C8orf34: variants seen among roughly 807,000 people sequenced by gnomAD.
C8orf34 encodes uncharacterized protein C8orf34.
C8orf34 carries 65 observed loss-of-function variants against 68.3 expected under a neutral mutation model. The observed-to-expected ratio is 0.95, with a 90% CI of 0.78 to 1.17. The LOEUF is 1.17. Ranked by LOEUF, C8orf34 falls within the 50% of genes most tolerant of loss-of-function variation. The probability of loss-of-function intolerance (pLI) is 0.00; values close to 1 mark genes in which losing one functional copy is unlikely to be tolerated. For missense variants in C8orf34, 664 were observed against 655.4 expected, an observed-to-expected ratio of 1.01 and a Z score of -0.14; for synonymous variants, 244 against 241.2, an observed-to-expected ratio of 1.01 and a Z score of -0.11.
Position 68,457,972 on chromosome 8 carries a change from C to T in C8orf34, c.608-10720C>T, listed in dbSNP as rs150409617. ...TAGAGATGTTCTCATCCAAAGACGG[C>T]ATACCAGACAAATGACTTCCCAAAT... is the stretch of plus-strand genomic sequence containing the variant. On this transcript the variant is annotated intron_variant, in intron 3 of 13. Coordinates refer to ENST00000518698, the MANE Select transcript of C8orf34 (RefSeq NM_052958.4). 2.2e-3 allele frequency among the ~76,000 whole-genome samples: 328 copies of T among 152,152 alleles called. 1 individual carries two copies. The highest frequency in any genetic ancestry group is 7.1e-3 in the African/African-American group (295 of 41,512).
upstream of C8orf34, chr8:68,330,935 C>T (rs76049615): frequency 6.9e-6 from 8 of 1,158,032 alleles, no homozygotes; most frequent in Admixed American, 3.9e-5. Flanking sequence ...GAGAAAGGAA[C>T]CTCTGCCTCG....
chr8:68,489,737 T>C (rs909706734), intron 5 of C8orf34, among the ~76,000 whole-genome samples: 16 of 152,186 alleles, frequency 1.1e-4, no homozygotes, highest in Non-Finnish European at 1.8e-4. Flanking sequence ...AATGGTATCA[T>C]ATAAATCCTG....
intron 6 of C8orf34, chr8:68,530,714 G>C: frequency 1.5e-6 from 1 of 675,650 alleles, no homozygotes; most frequent in Non-Finnish European, 1.9e-6. Context: ...CTATTAAAGA[G>C]TAAACATGAT....
chr8:68,787,754 A>G (rs1013887033), intron 12 of C8orf34: 5 of 270,416 alleles, frequency 1.8e-5, no homozygotes, highest in South Asian at 1.2e-4. Flanking sequence ...AACTTTCTAG[A>G]AAAAAAAAGC....
intron 5 of C8orf34, among the ~76,000 whole-genome samples, chr8:68,513,560 T>A (rs548999594): frequency 1.3e-4 from 20 of 152,106 alleles, no homozygotes; most frequent in Non-Finnish European, 2.5e-4. Context: ...AGTAAAAACG[T>A]CTTCTAAAAG....
At chr8:68,728,822 G>C (rs944703560) in intron 10 of C8orf34, among the ~76,000 whole-genome samples, 1 of 152,174 alleles carries the variant, frequency 6.6e-6, no homozygotes, top group African/African-American at 2.4e-5. Context: ...TTGTTGATTA[G>C]TATATGCAAC....
intron 1 of C8orf34, among the ~76,000 whole-genome samples, chr8:68,351,852 C>T (rs1256564215): frequency 6.6e-6 from 1 of 152,062 alleles, no homozygotes; most frequent in African/African-American, 2.4e-5. Flanking sequence ...CACATCCTTG[C>T]CAACATTTGG....
At chr8:68,470,123 A>AT (rs1470593716) in intron 4 of C8orf34, among the ~76,000 whole-genome samples, 2 of 151,950 alleles carry the variant, frequency 1.3e-5, no homozygotes, top group African/African-American at 4.8e-5. Flanking sequence ...GTTTGGTTAA[A>AT]TTTCCTTTTG....
rs142803963 is a variant in C8orf34, at chr8:68,523,217, A to G, written c.938+1246A>G. Among the ~76,000 whole-genome samples the G allele has an allele frequency of 1.8e-4, 27 of 152,326 alleles. No homozygotes were observed. The East Asian group carries it at 4.8e-3, about 27-fold the overall frequency. Reference sequence around the variant, plus strand: ...ATCTGTCAATGAGGGTAATTTTTTTAATACCAGGCTTATAAAACCTACTAG... The same window carrying G: ...ATCTGTCAATGAGGGTAATTTTTTTGATACCAGGCTTATAAAACCTACTAG... On this transcript the variant is annotated intron_variant, in intron 6 of 13. Transcript: ENST00000518698.
chr8:68,439,342 C>T (rs1385907203), intron 1 of C8orf34, 157 bp from the exon 2 acceptor site: 1 of 589,198 alleles, frequency 1.7e-6, no homozygotes, highest in Non-Finnish European at 2.8e-6. Flanking sequence ...AGGGCAGTAA[C>T]TTGTAGCCGT....
chr8:68,717,374 TC>T (rs1821505263), intron 9 of C8orf34, among the ~76,000 whole-genome samples: 1 of 151,840 alleles, frequency 6.6e-6, no homozygotes, highest in Non-Finnish European at 1.5e-5. Flanking sequence ...GTGCCTGTAG[TC>T]CCAGCTACTC....
intron 7 of C8orf34, among the ~76,000 whole-genome samples, chr8:68,591,735 G>A (rs779048188): frequency 1.3e-5 from 2 of 152,144 alleles, no homozygotes; most frequent in Non-Finnish European, 2.9e-5. Flanking sequence ...TACATGACAT[G>A]TATGTGCTTG....
At chr8:68,439,298 C>T (rs779415019) in intron 1 of C8orf34, 2 of 448,868 alleles carry the variant, frequency 4.5e-6, no homozygotes, top group African/African-American at 2.0e-5. Flanking sequence ...GTAATATAGA[C>T]AATTTACTTC....
chr8:68,814,816 G>A (rs1824760489), intron 12 of C8orf34, among the ~76,000 whole-genome samples: 1 of 152,152 alleles, frequency 6.6e-6, no homozygotes, highest in African/African-American at 2.4e-5. Flanking sequence ...AGTTGAAGTA[G>A]CACTTAACCA....
intron 3 of C8orf34, among the ~76,000 whole-genome samples, chr8:68,467,740 T>A (rs1373311678): frequency 6.6e-6 from 1 of 152,032 alleles, no homozygotes; most frequent in Non-Finnish European, 1.5e-5. Context: ...CAAAGTATCC[T>A]AATTTGTTCC....
intron 7 of C8orf34, among the ~76,000 whole-genome samples, chr8:68,574,377 A>G (rs1290819191): frequency 6.6e-6 from 1 of 151,970 alleles, no homozygotes. Context: ...GAAATTATTC[A>G]CCTACCTGAC....
chr8:68,609,257 A>G (rs1170491137), intron 7 of C8orf34, among the ~76,000 whole-genome samples: 2 of 152,092 alleles, frequency 1.3e-5, no homozygotes. Flanking sequence ...GAGTCAAAAC[A>G]ATCCCTAACT....
chr8:68,355,557 T>C (rs1231302244), intron 1 of C8orf34, among the ~76,000 whole-genome samples: 2 of 152,146 alleles, frequency 1.3e-5, no homozygotes, highest in Admixed American at 1.3e-4. Context: ...TTAATATTAA[T>C]GGCCCAGTGA....
chr8:68,675,230 A>C (rs1820146527), intron 8 of C8orf34, among the ~76,000 whole-genome samples: 1 of 152,202 alleles, frequency 6.6e-6, no homozygotes, highest in African/African-American at 2.4e-5. Context: ...GAAGGTACAA[A>C]ACTTCACTGG....
Sources: gnomAD v4.1 joint callset for allele counts (sites outside exome capture counted in the v4.1 genomes callset) on GRCh38, gnomAD v4.1.1 for gene constraint, MANE v1.5 for transcripts, NCBI Gene and HGNC (gene_info 2026-07-23, HGNC 2026-07-21) for gene names.